MBD5: variants seen among roughly 807,000 people sequenced by gnomAD.
The protein encoded by MBD5 is methyl-CpG-binding domain protein 5.
Under a neutral mutation model 117.3 loss-of-function variants are expected in MBD5, and 13 were observed. The observed-to-expected ratio is 0.11, with a 90% confidence interval of 0.07 to 0.18. MBD5 has a LOEUF of 0.18. Ranked by LOEUF, MBD5 falls within the 10% of genes least tolerant of loss-of-function variation. The pLI, the probability that MBD5 is intolerant of heterozygous loss-of-function variation, is 1.00. For synonymous variants in MBD5, 727 were observed against 766.4 expected (o/e 0.95, Z 0.85); for missense variants, 1,879 against 2,093.8 (o/e 0.90, Z 2.00).
At chr2:148,377,491 C>G (rs1037133212) in intron 4 of MBD5, among the ~76,000 whole-genome samples, 6 of 152,150 alleles carry the variant, frequency 3.9e-5, no homozygotes, top group Non-Finnish European at 8.8e-5. Flanking sequence ...TGGTTGAGAA[C>G]CAGTAAGGGA....
chr2:148,381,766 G>T (rs1402700212), intron 4 of MBD5, among the ~76,000 whole-genome samples: 1 of 152,208 alleles, frequency 6.6e-6, no homozygotes, highest in East Asian at 1.9e-4. Flanking sequence ...TCTCTCAGCA[G>T]AAACTCTACA....
chr2:148,452,603 A>C (rs2105492105), intron 4 of MBD5, among the ~76,000 whole-genome samples: 1 of 152,290 alleles, frequency 6.6e-6, no homozygotes, highest in Non-Finnish European at 1.5e-5. Flanking sequence ...AGAAAAAAAA[A>C]AGGTCTATTT....
In MBD5 at chr2:148,483,982, G is replaced by C; in HGVS notation, c.3391G>C (p.Val1131Leu). The change falls in exon 9 of 14, where the codon GTC becomes CTC. Residue 1131 changes from valine to leucine, a missense_variant. By Grantham distance (32) the Val-to-Leu change is conservative. Coordinates refer to ENST00000642680, the MANE Select transcript of MBD5 (RefSeq NM_001378120.1). The part of the protein sequence containing the change: ...TTSSAVAALT[V>L]STLGGTAVVS... The stretch of plus-strand genomic sequence containing the variant: ...ATCATCAGCAGTGGCAGCACTGACT[G>C]TCTCAACACTTGGTGGGACAGCAGT... The C allele has an allele frequency of 6.4e-7, 1 of 1,550,500 alleles. No individual in the cohort carries two copies. Among genetic ancestry groups the C allele is most frequent in the Non-Finnish European group, 8.7e-7 (1 of 1,146,946 alleles).
chr2:148,475,747 C>T (rs1680943223), intron 8 of MBD5, among the ~76,000 whole-genome samples: 1 of 152,074 alleles, frequency 6.6e-6, no homozygotes, highest in African/African-American at 2.4e-5. Context: ...GCAAAACGTA[C>T]CCAGATTCTA....
chr2:148,321,436 C>CA (rs759813821), intron 3 of MBD5, among the ~76,000 whole-genome samples: 10 of 152,158 alleles, frequency 6.6e-5, no homozygotes, highest in Non-Finnish European at 1.5e-4. Flanking sequence ...TTGTTATAGA[C>CA]ATTTGAATTG....
At chr2:148,070,448 G>C (rs922299045) in intron 1 of MBD5, among the ~76,000 whole-genome samples, 1 of 152,128 alleles carries the variant, frequency 6.6e-6, no homozygotes, top group South Asian at 2.1e-4. Flanking sequence ...ATCATTAAGA[G>C]AGCCACTATA....
intron 4 of MBD5, among the ~76,000 whole-genome samples, chr2:148,442,363 C>A (rs1414431364): frequency 6.6e-6 from 1 of 151,170 alleles, no homozygotes; most frequent in South Asian, 2.1e-4. Context: ...ACAAAGCCAA[C>A]CTTCAAGGAG....
Position 148,162,845 on chromosome 2 carries a change from G to A in MBD5, c.-924-15855G>A, listed in dbSNP as rs1225276872. Among the ~76,000 whole-genome samples, 8 of 152,110 alleles carry A rather than the reference G, an allele frequency of 5.3e-5. No homozygotes were observed. The East Asian group carries it at 1.3e-3, about 26-fold the overall frequency. On this transcript the variant is annotated intron_variant, in intron 1 of 13. Coordinates refer to ENST00000642680, the MANE Select transcript of MBD5 (RefSeq NM_001378120.1). ...ATTAATGTTTAGGGGCACCTAAAATGCTAAAGAATTGAAAACAATAAAAAA... is the reference window on the plus strand; with the variant it reads ...ATTAATGTTTAGGGGCACCTAAAATACTAAAGAATTGAAAACAATAAAAAA...
intron 3 of MBD5, among the ~76,000 whole-genome samples, chr2:148,300,010 G>A (rs931633481): frequency 6.6e-6 from 1 of 151,952 alleles, no homozygotes; most frequent in Non-Finnish European, 1.5e-5. Context: ...AGTAATATGA[G>A]ATATCAGGGA....
intron 8 of MBD5, among the ~76,000 whole-genome samples, chr2:148,479,725 T>TG (rs1681087501): frequency 6.6e-6 from 1 of 151,008 alleles, no homozygotes; most frequent in Non-Finnish European, 1.5e-5. Context: ...TTGTTGTTTT[T>TG]TTTTTTTTTA....
chr2:148,234,147 G>A (rs1299312151), intron 3 of MBD5, among the ~76,000 whole-genome samples: 1 of 151,956 alleles, frequency 6.6e-6, no homozygotes, highest in Non-Finnish European at 1.5e-5. Flanking sequence ...GAAAAATATA[G>A]ACTTAAGTAG....
intron 3 of MBD5, among the ~76,000 whole-genome samples, chr2:148,281,011 T>C (rs1464313982): frequency 3.9e-5 from 6 of 152,308 alleles, no homozygotes; most frequent in African/African-American, 1.4e-4. Flanking sequence ...AGACTTCTTA[T>C]TAACCTTGAT....
intron 3 of MBD5, among the ~76,000 whole-genome samples, chr2:148,333,641 A>G (rs1044774988): frequency 2.0e-5 from 3 of 151,948 alleles, no homozygotes; most frequent in African/African-American, 7.3e-5. Context: ...CAAGAGTTCA[A>G]GATCAGCCCA....
intron 3 of MBD5, among the ~76,000 whole-genome samples, chr2:148,263,575 ACAAT>A (rs1286837718): frequency 1.3e-5 from 2 of 152,194 alleles, no homozygotes; most frequent in Non-Finnish European, 2.9e-5. Context: ...TAGGGAGAAT[ACAAT>A]CAATCTTCAA....
At chr2:148,395,450 A>C (rs1273270451) in intron 4 of MBD5, among the ~76,000 whole-genome samples, 1 of 132,200 alleles carries the variant, frequency 7.6e-6, no homozygotes, top group Non-Finnish European at 1.6e-5. Flanking sequence ...TTTTTCACAG[A>C]GTCTCACTCT....
chr2:148,319,815 C>T (rs1032939526), intron 3 of MBD5, among the ~76,000 whole-genome samples: 5 of 152,158 alleles, frequency 3.3e-5, no homozygotes, highest in African/African-American at 1.2e-4. Context: ...TGAATGTGGG[C>T]ATCCTTATCT....
intron 1 of MBD5, among the ~76,000 whole-genome samples, chr2:148,134,283 C>T (rs571343935): frequency 6.6e-6 from 1 of 152,226 alleles, no homozygotes; most frequent in South Asian, 2.1e-4. Flanking sequence ...GATATACAAA[C>T]ACCCATATAT....
chr2:148,123,970 A>G (rs2105422644), intron 1 of MBD5, among the ~76,000 whole-genome samples: 1 of 152,322 alleles, frequency 6.6e-6, no homozygotes, highest in African/African-American at 2.4e-5. Flanking sequence ...AATTTCAAGA[A>G]CATCTCATTG....
intron 1 of MBD5, among the ~76,000 whole-genome samples, chr2:148,096,518 C>T (rs1342812988): frequency 6.6e-6 from 1 of 152,166 alleles, no homozygotes; most frequent in Non-Finnish European, 1.5e-5. Flanking sequence ...TGAGGCCATA[C>T]AACTACTGAG....
Sources: allele counts gnomAD v4.1 joint callset (sites outside exome capture counted in the v4.1 genomes callset), GRCh38; gene constraint gnomAD v4.1.1; transcripts MANE v1.5; gene names NCBI Gene and HGNC (gene_info 2026-07-23, HGNC 2026-07-21).